The following NPAS3 variants were observed in gnomAD, a reference collection of about 807,000 sequenced individuals.
NPAS3 encodes the protein neuronal PAS domain protein 3.
Under a neutral mutation model 73.1 loss-of-function variants are expected in NPAS3, and 14 were observed. The observed-to-expected ratio is 0.19, with a 90% CI of 0.13 to 0.30. The LOEUF (loss-of-function observed/expected upper bound fraction) is 0.30. NPAS3 is among the 10% of genes least tolerant of loss of function. The pLI is 1.00. For missense variants in NPAS3, 1,096 were observed against 1,250.0 expected (o/e 0.88, Z 1.86); for synonymous variants, 620 against 541.5 (o/e 1.14, Z -2.01).
intron 4 of NPAS3, among the ~76,000 whole-genome samples, chr14:33,444,535 G>C (rs2049398396): frequency 6.6e-6 from 1 of 152,188 alleles, no homozygotes; most frequent in African/African-American, 2.4e-5. Flanking sequence ...TCATTATAAA[G>C]ACATCTTGGT....
At chr14:33,783,500 C>T (rs975049336) in intron 9 of NPAS3, among the ~76,000 whole-genome samples, 4 of 147,592 alleles carry the variant, frequency 2.7e-5, no homozygotes, top group Non-Finnish European at 5.9e-5. Context: ...TGTGCCTGGC[C>T]ATTAACCGAA....
intron 4 of NPAS3, among the ~76,000 whole-genome samples, chr14:33,392,433 C>T (rs772684335): frequency 1.3e-5 from 2 of 152,062 alleles, no homozygotes; most frequent in Non-Finnish European, 2.9e-5. Context: ...AGGATCTGTA[C>T]CTAGGTCTGT....
At chr14:33,098,138 A>G (rs963669459) in intron 2 of NPAS3, among the ~76,000 whole-genome samples, 1 of 152,212 alleles carries the variant, frequency 6.6e-6, no homozygotes, top group East Asian at 1.9e-4. Flanking sequence ...CATTCCATCT[A>G]GAATTAATTT....
chr14:33,037,099 G>T (rs1459811414), intron 1 of NPAS3, among the ~76,000 whole-genome samples: 2 of 152,170 alleles, frequency 1.3e-5, no homozygotes, highest in Non-Finnish European at 2.9e-5. Flanking sequence ...ACTGTCGCTT[G>T]TGTAGAGTAG....
chr14:33,337,425 C>G (rs979398374), intron 3 of NPAS3, among the ~76,000 whole-genome samples: 2 of 152,094 alleles, frequency 1.3e-5, no homozygotes, highest in Non-Finnish European at 2.9e-5. Context: ...TGTTTCTGAA[C>G]TCTCTCTTGT....
intron 6 of NPAS3, among the ~76,000 whole-genome samples, chr14:33,679,235 TAACCTTCA>T (rs908079984): frequency 6.6e-6 from 1 of 152,212 alleles, no homozygotes; most frequent in African/African-American, 2.4e-5. Flanking sequence ...TAAGCTACCT[TAACCTTCA>T]AAGTCTGCAG....
intron 6 of NPAS3, among the ~76,000 whole-genome samples, chr14:33,716,390 ATTTTC>A (rs1021807400): frequency 2.0e-5 from 3 of 151,112 alleles, no homozygotes; most frequent in African/African-American, 4.9e-5. Flanking sequence ...TTTTGCTTTT[ATTTTC>A]TTTTCATCTG....
intron 4 of NPAS3, among the ~76,000 whole-genome samples, chr14:33,418,783 T>G (rs1026867961): frequency 1.3e-5 from 2 of 152,000 alleles, no homozygotes; most frequent in South Asian, 4.1e-4. Flanking sequence ...GGGCTCCATT[T>G]ATCACTTTAG....
chr14:33,143,317 C>A (rs958655570), intron 2 of NPAS3, among the ~76,000 whole-genome samples: 1 of 152,174 alleles, frequency 6.6e-6, no homozygotes, highest in South Asian at 2.1e-4. Context: ...TGTGGTGAAA[C>A]CCCGTTTCTA....
chr14:32,938,501 G>A (rs1341416473), upstream of NPAS3, among the ~76,000 whole-genome samples: 122 of 102,118 alleles, frequency 1.2e-3, no homozygotes, highest in African/African-American at 4.0e-3. Flanking sequence ...GAGAGAGAGA[G>A]AGAGAGAGAG....
intron 3 of NPAS3, among the ~76,000 whole-genome samples, chr14:33,256,767 C>G (rs1448363715): frequency 6.6e-6 from 1 of 152,160 alleles, no homozygotes; most frequent in Non-Finnish European, 1.5e-5. Flanking sequence ...AATTTTGGCT[C>G]TATTTTTTCC....
intron 2 of NPAS3, among the ~76,000 whole-genome samples, chr14:33,135,509 T>C (rs888983812): frequency 6.6e-5 from 10 of 152,312 alleles, no homozygotes; most frequent in African/African-American, 2.4e-4. Flanking sequence ...TAATCATTGC[T>C]GTGCAAAAAT....
At chr14:33,267,407 G>C (rs1318296517) in intron 3 of NPAS3, among the ~76,000 whole-genome samples, 1 of 152,058 alleles carries the variant, frequency 6.6e-6, no homozygotes, top group African/African-American at 2.4e-5. Context: ...ACTTATGAGA[G>C]GACTGTAGAC....
chr14:33,166,840 A>G (rs1288305113), intron 2 of NPAS3, among the ~76,000 whole-genome samples: 1 of 152,206 alleles, frequency 6.6e-6, no homozygotes, highest in Non-Finnish European at 1.5e-5. Flanking sequence ...GAGTATGGAA[A>G]TTGAGCTTAG....
At chr14:33,760,106 C>T (rs1407639876) in intron 7 of NPAS3, among the ~76,000 whole-genome samples, 2 of 152,130 alleles carry the variant, frequency 1.3e-5, no homozygotes, top group Non-Finnish European at 2.9e-5. Flanking sequence ...GTAAGTGGCA[C>T]CACCCCCTGG....
Position 33,614,878 on chromosome 14 carries a change from C to A in NPAS3, c.558+54668C>A, listed in dbSNP as rs138086451. Among the ~76,000 whole-genome samples the A allele has an allele frequency of 6.6e-3, 1,008 of 152,178 alleles. 14 individuals are homozygous for A. The highest frequency in any genetic ancestry group is 0.023 in the African/African-American group (967 of 41,478). Reference sequence around the variant, plus strand: ...AATTCCTGAAGAATTGACTGCTTAGCACTATACCAAAATTTATAGTGCAAA... The same window carrying A: ...AATTCCTGAAGAATTGACTGCTTAGAACTATACCAAAATTTATAGTGCAAA... On this transcript the variant is annotated intron_variant, in intron 5 of 11. Transcript: ENST00000356141.
At chr14:33,462,951 G>A (rs1487331254) in intron 4 of NPAS3, among the ~76,000 whole-genome samples, 1 of 152,198 alleles carries the variant, frequency 6.6e-6, no homozygotes, top group Non-Finnish European at 1.5e-5. Flanking sequence ...AGACAGAAAG[G>A]TAAGTAGGTA....
intron 6 of NPAS3, among the ~76,000 whole-genome samples, chr14:33,686,056 A>C (rs533163563): frequency 6.6e-6 from 1 of 152,346 alleles, no homozygotes; most frequent in Admixed American, 6.5e-5. Flanking sequence ...TGCTATCCTC[A>C]ATTGTGGCAT....
intron 1 of NPAS3, among the ~76,000 whole-genome samples, chr14:32,999,103 T>G (rs2038699326): frequency 6.6e-6 from 1 of 152,200 alleles, no homozygotes; most frequent in Non-Finnish European, 1.5e-5. Context: ...GAATAGCAAT[T>G]TTTGCTTCTT....
Sources: allele counts gnomAD v4.1 joint callset (sites outside exome capture counted in the v4.1 genomes callset), GRCh38; gene constraint gnomAD v4.1.1; transcripts MANE v1.5; gene names NCBI Gene and HGNC (gene_info 2026-07-23, HGNC 2026-07-21).